Variants in ATP10D observed in about 807,000 individuals in gnomAD.
ATP10D encodes ATPase phospholipid transporting 10D (putative).
A neutral mutation model predicts 144.8 loss-of-function variants in ATP10D; 89 were observed. That is an observed-to-expected ratio of 0.61 (90% CI 0.52 to 0.73). The LOEUF (loss-of-function observed/expected upper bound fraction) is 0.73. Among genes scored for constraint, ATP10D ranks in the 30% least tolerant of loss-of-function variants. The pLI, the probability that ATP10D is intolerant of heterozygous loss-of-function variation, is 0.00. For missense variants in ATP10D, 1,603 were observed against 1,714.8 expected, an observed-to-expected ratio of 0.93 and a Z score of 1.15; for synonymous variants, 571 against 615.1, an observed-to-expected ratio of 0.93 and a Z score of 1.06.
At chr4:47,507,528 T>C (rs1211006403) in intron 1 of ATP10D, among the ~76,000 whole-genome samples, 1 of 152,224 alleles carries the variant, frequency 6.6e-6, no homozygotes, top group East Asian at 1.9e-4. Flanking sequence ...TGAATGCTTC[T>C]GTTTTCTCAA....
intron 9 of ATP10D, among the ~76,000 whole-genome samples, chr4:47,541,824 C>T (rs954704186): frequency 1.3e-5 from 2 of 152,118 alleles, no homozygotes; most frequent in South Asian, 2.1e-4. Flanking sequence ...GAAGAAAAGA[C>T]AGATCGGGGA....
At position 47,512,995 on chromosome 4, in the gene ATP10D, C is replaced by T. The variant is rs952205736; in HGVS notation, c.290+165C>T. On this transcript the variant is annotated intron_variant, in intron 2 of 22. Transcript: ENST00000273859. ...GTGGAATGATGACTCCTCCCATTCA[C>T]GTAGCACTTTCCAATTGGAAAGGTG... is the stretch of plus-strand genomic sequence containing the variant. 116 of 657,864 alleles carry T rather than the reference C, an allele frequency of 1.8e-4. No individual in the cohort carries two copies. The East Asian group carries it at 2.2e-3, about 12-fold the overall frequency. The allele number at this position is 657,864 out of a possible 1,614,324, so 40.8% of individuals were successfully genotyped here. A position where few individuals can be genotyped will look rare whatever the true frequency, so the allele number is the denominator to read the frequency against.
At chr4:47,559,161 C>T (rs1456808273) in intron 13 of ATP10D, 132 bp downstream of exon 13, 36 of 648,750 alleles carry the variant, frequency 5.5e-5, no homozygotes, top group Non-Finnish European at 8.0e-5. Context: ...TCTCTTTTTA[C>T]CTTCTCTATT....
chr4:47,486,157 G>C (rs186125357), intron 1 of ATP10D, among the ~76,000 whole-genome samples: 2 of 152,202 alleles, frequency 1.3e-5, no homozygotes, highest in East Asian at 3.9e-4. Context: ...GTTGTTATTC[G>C]GGGCACCCTT....
At chr4:47,547,416 T>C (rs1241305612) in intron 10 of ATP10D, 1 of 154,076 alleles carries the variant, frequency 6.5e-6, no homozygotes, top group East Asian at 1.9e-4. Context: ...TGTCAGGAAC[T>C]GTCTAGTCAC....
intron 9 of ATP10D, among the ~76,000 whole-genome samples, chr4:47,545,954 G>A (rs1718399019): frequency 1.3e-5 from 2 of 152,136 alleles, no homozygotes; most frequent in African/African-American, 4.8e-5. Context: ...TGCTTCTGCA[G>A]CTCTCCAGTA....
intron 22 of ATP10D, among the ~76,000 whole-genome samples, chr4:47,590,165 G>C (rs1720965871): frequency 6.6e-6 from 1 of 152,148 alleles, no homozygotes; most frequent in African/African-American, 2.4e-5. Flanking sequence ...AATATGGAAA[G>C]CAGAATTTGT....
chr4:47,551,948 T>C (rs1458616645), intron 10 of ATP10D, among the ~76,000 whole-genome samples: 1 of 152,218 alleles, frequency 6.6e-6, no homozygotes, highest in Non-Finnish European at 1.5e-5. Flanking sequence ...TAACTTATTT[T>C]AGTGGGACAA....
At chr4:47,551,935 A>G (rs1269859020) in intron 10 of ATP10D, among the ~76,000 whole-genome samples, 1 of 152,200 alleles carries the variant, frequency 6.6e-6, no homozygotes, top group African/African-American at 2.4e-5. Context: ...AGTCACTAGA[A>G]ATTAACTTAT....
chr4:47,544,030 T>C (rs982603206), intron 9 of ATP10D, among the ~76,000 whole-genome samples: 1 of 146,060 alleles, frequency 6.8e-6, no homozygotes, highest in African/African-American at 2.5e-5. Context: ...AAGCAGGGGA[T>C]ATTGGCCATG....
At chr4:47,493,779 T>G (rs1254633508) in intron 1 of ATP10D, among the ~76,000 whole-genome samples, 1 of 151,914 alleles carries the variant, frequency 6.6e-6, no homozygotes, top group Non-Finnish European at 1.5e-5. Flanking sequence ...GAGAAACTGG[T>G]GTGATTGTGT....
intron 19 of ATP10D, 89 bp from the exon 20 acceptor site, chr4:47,580,309 A>G (rs1195974253): frequency 9.4e-6 from 10 of 1,060,156 alleles, no homozygotes; most frequent in Non-Finnish European, 1.5e-5. Context: ...TTTCTCTCAG[A>G]GAAACAAATG....
At chr4:47,517,338 C>A (rs1716741303) in intron 3 of ATP10D, among the ~76,000 whole-genome samples, 1 of 152,108 alleles carries the variant, frequency 6.6e-6, no homozygotes, top group Admixed American at 6.6e-5. Flanking sequence ...ATCGCCTGAG[C>A]CCGGGAGGTG....
chr4:47,565,467 C>T (rs1719576951), intron 15 of ATP10D, among the ~76,000 whole-genome samples: 1 of 152,130 alleles, frequency 6.6e-6, no homozygotes, highest in African/African-American at 2.4e-5. Flanking sequence ...GCCTAGGTGG[C>T]TGGTAAGACT....
At chr4:47,590,196 T>C (rs967098592) in intron 22 of ATP10D, among the ~76,000 whole-genome samples, 5 of 152,104 alleles carry the variant, frequency 3.3e-5, no homozygotes, top group Admixed American at 6.6e-5. Context: ...CTTGGATATT[T>C]GGCAGAGGAG....
chr4:47,558,823 A>G, intron 12 of ATP10D, 100 bp from the exon 13 acceptor site: 1 of 950,710 alleles, frequency 1.1e-6, no homozygotes, highest in Non-Finnish European at 1.6e-6. Context: ...AGGCTTTTTT[A>G]TTTGTTTTTT....
At chr4:47,577,670 GA>G (rs1401717055) in intron 19 of ATP10D, among the ~76,000 whole-genome samples, 2 of 152,162 alleles carry the variant, frequency 1.3e-5, no homozygotes, top group Non-Finnish European at 2.9e-5. Flanking sequence ...AATCTGACTT[GA>G]AATGCCTTTC....
chr4:47,580,932 G>A (rs190556343), intron 20 of ATP10D, among the ~76,000 whole-genome samples: 143 of 152,200 alleles, frequency 9.4e-4, no homozygotes, highest in African/African-American at 3.2e-3. Context: ...GTGTAGTGGT[G>A]TGGACCTGTG....
chr4:47,521,278 G>A (rs1716933331), intron 3 of ATP10D, among the ~76,000 whole-genome samples: 1 of 152,172 alleles, frequency 6.6e-6, no homozygotes, highest in Non-Finnish European at 1.5e-5. Context: ...TATCTCACCT[G>A]TGATACAACC....
Sources: allele counts gnomAD v4.1 joint callset (sites outside exome capture counted in the v4.1 genomes callset), GRCh38; gene constraint gnomAD v4.1.1; transcripts MANE v1.5; gene names NCBI Gene and HGNC (gene_info 2026-07-23, HGNC 2026-07-21).